The following EPB41L4B variants were observed in gnomAD, a reference collection of about 807,000 sequenced individuals.
EPB41L4B encodes band 4.1-like protein 4B.
Under a neutral mutation model 112.5 loss-of-function variants are expected in EPB41L4B, and 30 were observed. That is an observed-to-expected ratio of 0.27 (90% CI 0.20 to 0.36). EPB41L4B has a LOEUF of 0.36. Ranked by LOEUF, EPB41L4B falls within the 10% of genes least tolerant of loss-of-function variation. EPB41L4B has a pLI of 1.00. For synonymous variants in EPB41L4B, 408 were observed against 439.7 expected, an observed-to-expected ratio of 0.93 and a Z score of 0.90; for missense variants, 1,024 against 1,133.3, an observed-to-expected ratio of 0.90 and a Z score of 1.38.
chr9:109,200,262 C>T lies in EPB41L4B; in HGVS notation c.2019G>A (p.Val673=). The T allele has an allele frequency of 6.2e-7, 1 of 1,614,128 alleles. No homozygotes were observed. The highest frequency in any genetic ancestry group is 8.5e-7 in the Non-Finnish European group (1 of 1,180,012). The change falls in exon 20 of 26, where the codon GTG becomes GTA. Residue 673 remains valine (V), a synonymous_variant. Coordinates refer to ENST00000374566, the MANE Select transcript of EPB41L4B (RefSeq NM_019114.5). Reference sequence around the variant, plus strand: ...AACTATACTGTCTTGTTAACTTCCTCACTCGGGGAGGCTTGATTTCCGGCT... The same window carrying T: ...AACTATACTGTCTTGTTAACTTCCTTACTCGGGGAGGCTTGATTTCCGGCT... ...VEKPEIKPPR[V]RKLTRQYSFD...
In EPB41L4B at chr9:109,173,198, G is replaced by A. The variant is rs1360941011; in HGVS notation, c.*1356C>T. ...AAACAGAAATGCTTATACATTGCTG[G>A]TGGCATCATAAATTGTCGAGGGGAT... is the stretch of plus-strand genomic sequence containing the variant. On this transcript the variant is annotated 3_prime_UTR_variant, in exon 26 of 26. Transcript: ENST00000374566. 3 of 152,616 alleles carry A rather than the reference G, an allele frequency of 2.0e-5. No individual in the cohort carries two copies. Among genetic ancestry groups the A allele is most frequent in the African/African-American group, 4.8e-5 (2 of 41,424 alleles). The allele number at this position is 152,616 out of a possible 1,614,324, so 9.5% of individuals were successfully genotyped here.
intron 20 of EPB41L4B, among the ~76,000 whole-genome samples, chr9:109,198,999 A>G (rs1167998685): frequency 6.6e-6 from 1 of 151,718 alleles, no homozygotes; most frequent in Non-Finnish European, 1.5e-5. Flanking sequence ...CACCCTGATT[A>G]CAGCAATTAT....
At chr9:109,302,124 T>C (rs538199703) in intron 1 of EPB41L4B, among the ~76,000 whole-genome samples, 19 of 152,296 alleles carry the variant, frequency 1.2e-4, no homozygotes, top group Admixed American at 2.6e-4. Context: ...GTAAAAACCA[T>C]AGAGTTCTCT....
At chr9:109,309,874 G>C (rs941639342) in intron 1 of EPB41L4B, among the ~76,000 whole-genome samples, 6 of 152,048 alleles carry the variant, frequency 3.9e-5, no homozygotes, top group Admixed American at 2.6e-4. Context: ...CACTATCCTG[G>C]TAAAATCAAA....
At chr9:109,248,084 T>A (rs901531173) in intron 13 of EPB41L4B, among the ~76,000 whole-genome samples, 2 of 152,224 alleles carry the variant, frequency 1.3e-5, no homozygotes, top group South Asian at 2.1e-4. Context: ...GAGGTCCTGT[T>A]TCAGTTGGGC....
At chr9:109,265,648 A>G (rs1444206916) in intron 4 of EPB41L4B, among the ~76,000 whole-genome samples, 1 of 152,224 alleles carries the variant, frequency 6.6e-6, no homozygotes, top group African/African-American at 2.4e-5. Context: ...CCAGCAAATA[A>G]CACGCATGGG....
At chr9:109,239,723 C>CA in intron 15 of EPB41L4B, 1 of 711,942 alleles carries the variant, frequency 1.4e-6, no homozygotes, top group Non-Finnish European at 1.7e-6. Flanking sequence ...TGAAACCACT[C>CA]AAGTTACTTT....
In EPB41L4B at chr9:109,176,710, A is replaced by C; in HGVS notation, c.2488-14T>G. On this transcript the variant is annotated splice_polypyrimidine_tract_variant and intron_variant, in intron 24 of 25. Transcript: ENST00000374566. ...TCTGAAGTCTGCCTGGAGAAGAAAC[A>C]GGAAAGAGGAGATCAATCTCAATTT... is the stretch of plus-strand genomic sequence containing the variant. 1 of 1,612,860 alleles carries C rather than the reference A, an allele frequency of 6.2e-7. No individual in the cohort carries two copies. Among genetic ancestry groups the C allele is most frequent in the Non-Finnish European group, 8.5e-7 (1 of 1,179,646 alleles).
intron 22 of EPB41L4B, 104 bp downstream of exon 22, chr9:109,192,174 A>G: frequency 1.1e-6 from 1 of 879,264 alleles, no homozygotes; most frequent in East Asian, 2.5e-5. Flanking sequence ...GGACAAGAGG[A>G]AGAGGCTCCT....
chr9:109,316,317 C>T (rs1377870901), intron 1 of EPB41L4B, among the ~76,000 whole-genome samples: 2 of 152,172 alleles, frequency 1.3e-5, no homozygotes, highest in East Asian at 1.9e-4. Flanking sequence ...GCTAACTGGC[C>T]GACCGCACAT....
intron 13 of EPB41L4B, among the ~76,000 whole-genome samples, chr9:109,248,654 G>A (rs975794479): frequency 6.6e-6 from 1 of 152,038 alleles, no homozygotes; most frequent in Non-Finnish European, 1.5e-5. Context: ...CATGTTGCCC[G>A]GGCTGGTCCT....
At chr9:109,219,048 G>A (rs754210539) in intron 15 of EPB41L4B, among the ~76,000 whole-genome samples, 2 of 151,994 alleles carry the variant, frequency 1.3e-5, no homozygotes, top group South Asian at 2.1e-4. Context: ...AAGAGCATTC[G>A]GGGGAAGACA....
chr9:109,252,758 G>A (rs190271889), intron 12 of EPB41L4B, among the ~76,000 whole-genome samples: 4 of 152,206 alleles, frequency 2.6e-5, no homozygotes, highest in East Asian at 3.9e-4. Flanking sequence ...GTCCTAAGTC[G>A]GGGAGCAACC....
chr9:109,181,956 C>T (rs1431664658), intron 24 of EPB41L4B, among the ~76,000 whole-genome samples: 2 of 152,204 alleles, frequency 1.3e-5, no homozygotes, highest in African/African-American at 4.8e-5. Flanking sequence ...CGCCTGTAAT[C>T]CCAACACTTT....
chr9:109,303,079 T>G (rs1034012821), intron 1 of EPB41L4B, among the ~76,000 whole-genome samples: 47 of 135,924 alleles, frequency 3.5e-4, no homozygotes, highest in African/African-American at 1.2e-3. Flanking sequence ...AGACCCCATC[T>G]CTAAAAAAAA....
chr9:109,309,637 T>G (rs932183625), intron 1 of EPB41L4B, among the ~76,000 whole-genome samples: 2 of 152,160 alleles, frequency 1.3e-5, no homozygotes, highest in Non-Finnish European at 2.9e-5. Context: ...CAGCAGCTCA[T>G]GCCTATAATG....
intron 1 of EPB41L4B, among the ~76,000 whole-genome samples, chr9:109,284,238 T>C (rs756220269): frequency 1.2e-4 from 19 of 152,214 alleles, no homozygotes; most frequent in Non-Finnish European, 7.3e-5. Context: ...TATTGAATAA[T>C]GTACTGAAAG....
At chr9:109,213,659 C>T (rs754357682) in intron 17 of EPB41L4B, 41 bp downstream of exon 17, 1 of 1,552,804 alleles carries the variant, frequency 6.4e-7, no homozygotes, top group African/African-American at 1.4e-5. Context: ...TTGATGTCAG[C>T]ACCAAGTCCA....
At chr9:109,258,437 C>A (rs912167749) in intron 6 of EPB41L4B, 140 bp from the exon 7 acceptor site, 23 of 801,102 alleles carry the variant, frequency 2.9e-5, no homozygotes, top group Non-Finnish European at 4.5e-5. Context: ...TTCGGGAAGA[C>A]TTAACTCTCA....
Sources: allele counts gnomAD v4.1 joint callset (sites outside exome capture counted in the v4.1 genomes callset), GRCh38; gene constraint gnomAD v4.1.1; transcripts MANE v1.5; gene names NCBI Gene and HGNC (gene_info 2026-07-23, HGNC 2026-07-21).